DAPK1: variants seen among roughly 807,000 people sequenced by gnomAD.
The protein encoded by DAPK1 is death associated protein kinase 1, also known as death-associated protein kinase 1.
A neutral mutation model predicts 144.9 loss-of-function variants in DAPK1; 56 were observed. The ratio of observed to expected loss-of-function variants is 0.39; its 90% CI spans 0.31 to 0.48. The LOEUF (loss-of-function observed/expected upper bound fraction) is 0.48. DAPK1 is among the 20% of genes least tolerant of loss of function. The pLI, the probability that DAPK1 is intolerant of heterozygous loss-of-function variation, is 0.95. For missense variants in DAPK1, 1,454 were observed against 1,875.4 expected (o/e 0.78, Z 4.15); for synonymous variants, 690 against 749.0 (o/e 0.92, Z 1.29).
At chr9:87,565,048 A>G (rs1827065585) in intron 2 of DAPK1, among the ~76,000 whole-genome samples, 1 of 152,182 alleles carries the variant, frequency 6.6e-6, no homozygotes, top group Admixed American at 6.5e-5. Context: ...CCCTATCCAC[A>G]TTTGCTGAAT....
At chr9:87,678,292 T>C (rs1285640534) in intron 19 of DAPK1, among the ~76,000 whole-genome samples, 1 of 152,200 alleles carries the variant, frequency 6.6e-6, no homozygotes, top group African/African-American at 2.4e-5. Flanking sequence ...CTAACTGTAA[T>C]ATAACACAGA....
chr9:87,603,029 G>A (rs1026777239), intron 2 of DAPK1, among the ~76,000 whole-genome samples: 12 of 151,886 alleles, frequency 7.9e-5, no homozygotes, highest in African/African-American at 2.9e-4. Context: ...GAGACAAGTT[G>A]CTTTGGCCAT....
At chr9:87,611,345 G>T (rs1221437516) in intron 3 of DAPK1, among the ~76,000 whole-genome samples, 7 of 152,248 alleles carry the variant, frequency 4.6e-5, no homozygotes, top group Admixed American at 4.6e-4. Context: ...GAGACGGGGT[G>T]TCCCTATGTT....
intron 19 of DAPK1, among the ~76,000 whole-genome samples, chr9:87,673,224 C>G (rs1477423372): frequency 6.6e-6 from 1 of 152,194 alleles, no homozygotes; most frequent in African/African-American, 2.4e-5. Context: ...CTACCACACT[C>G]TGCAAGAACC....
intron 18 of DAPK1, among the ~76,000 whole-genome samples, chr9:87,662,101 C>CT (rs1247692688): frequency 1.3e-5 from 2 of 152,148 alleles, no homozygotes; most frequent in Non-Finnish European, 2.9e-5. Context: ...AGTGTATGTT[C>CT]TTATCAGTTT....
intron 2 of DAPK1, among the ~76,000 whole-genome samples, chr9:87,508,854 T>C (rs1454124560): frequency 6.6e-6 from 1 of 152,172 alleles, no homozygotes; most frequent in African/African-American, 2.4e-5. Context: ...TCAGAGAGGA[T>C]AGGTACACCT....
intron 3 of DAPK1, among the ~76,000 whole-genome samples, chr9:87,628,440 G>A (rs563666304): frequency 1.1e-4 from 16 of 152,252 alleles, no homozygotes; most frequent in Middle Eastern, 3.4e-3. Flanking sequence ...ACTCCGGTTC[G>A]ACAAATGCAG....
rs749779105 is a variant in DAPK1, at chr9:87,650,238, C to T, written c.1626+120C>T. The stretch of plus-strand genomic sequence containing the variant: ...ACTTGAATGCAGCAAACTGTAATTA[C>T]CCCGTCTCTTCTCTGTTCCAAAGAT... On this transcript the variant is annotated intron_variant, in intron 16 of 25. Transcript: ENST00000408954. The T allele has an allele frequency of 1.0e-3, 909 of 905,616 alleles. 2 individuals carry two copies. The highest frequency in any genetic ancestry group is 1.4e-3 in the Non-Finnish European group (812 of 578,894). The allele number at this position is 905,616 out of a possible 1,614,324, so 56.1% of individuals were successfully genotyped here. A position where few individuals can be genotyped will look rare whatever the true frequency, so the allele number is the denominator to read the frequency against.
At chr9:87,695,387 C>A (rs1422075979) in intron 21 of DAPK1, among the ~76,000 whole-genome samples, 1 of 152,188 alleles carries the variant, frequency 6.6e-6, no homozygotes, top group Non-Finnish European at 1.5e-5. Context: ...ATGGAAGTGG[C>A]CCTGGCCAGG....
chr9:87,617,789 CTCA>C (rs1259351518), intron 3 of DAPK1, among the ~76,000 whole-genome samples: 2 of 152,148 alleles, frequency 1.3e-5, no homozygotes, highest in Non-Finnish European at 2.9e-5. Flanking sequence ...CCCCAGGTAC[CTCA>C]ACTTCACGTG....
At chr9:87,497,243 C>A (rs1326367906), upstream of DAPK1, 1 of 151,912 alleles carries the variant, frequency 6.6e-6, no homozygotes, top group Non-Finnish European at 1.5e-5. Flanking sequence ...GATTGCAAAC[C>A]TTCTTGCCTT....
intron 2 of DAPK1, among the ~76,000 whole-genome samples, chr9:87,556,862 G>C (rs1826738924): frequency 6.6e-6 from 1 of 152,220 alleles, no homozygotes; most frequent in Non-Finnish European, 1.5e-5. Flanking sequence ...CTGCTGGGCA[G>C]AGCCTTTGCA....
At chr9:87,641,367 G>A (rs2119137445) in intron 9 of DAPK1, among the ~76,000 whole-genome samples, 1 of 152,270 alleles carries the variant, frequency 6.6e-6, no homozygotes, top group Non-Finnish European at 1.5e-5. Flanking sequence ...AGGGCAGAAA[G>A]GGCTAAGGGT....
At chr9:87,625,797 A>T (rs902286113) in intron 3 of DAPK1, among the ~76,000 whole-genome samples, 2 of 152,230 alleles carry the variant, frequency 1.3e-5, no homozygotes, top group African/African-American at 4.8e-5. Flanking sequence ...GTTTGACCGC[A>T]TTCAAATTTA....
upstream of DAPK1, chr9:87,497,771 A>T (rs961333508): frequency 3.0e-6 from 1 of 338,344 alleles, no homozygotes; most frequent in Non-Finnish European, 5.3e-6. Context: ...GGCAGCTCGG[A>T]GGTGGGTGGG....
At chr9:87,704,382 G>GC (rs1825560889) in intron 25 of DAPK1, among the ~76,000 whole-genome samples, 2 of 152,252 alleles carry the variant, frequency 1.3e-5, no homozygotes, top group Non-Finnish European at 1.5e-5. Context: ...ATCCCTGCTT[G>GC]CCCTTGAGAG....
At chr9:87,546,452 T>C (rs1256188701) in intron 2 of DAPK1, among the ~76,000 whole-genome samples, 1 of 152,114 alleles carries the variant, frequency 6.6e-6, no homozygotes, top group Non-Finnish European at 1.5e-5. Context: ...GGCAGAATTG[T>C]GGCCCATAGG....
intron 2 of DAPK1, among the ~76,000 whole-genome samples, chr9:87,505,304 A>T (rs1172893405): frequency 6.6e-6 from 1 of 152,184 alleles, no homozygotes; most frequent in Admixed American, 6.5e-5. Context: ...AAAGGAAGCC[A>T]CTCTTCTGAC....
chr9:87,602,280 C>T (rs1828551623), intron 2 of DAPK1, among the ~76,000 whole-genome samples: 1 of 152,176 alleles, frequency 6.6e-6, no homozygotes, highest in Non-Finnish European at 1.5e-5. Flanking sequence ...CACACAGAGC[C>T]TTCCTACCCA....
Sources: allele counts gnomAD v4.1 joint callset (sites outside exome capture counted in the v4.1 genomes callset), GRCh38; gene constraint gnomAD v4.1.1; transcripts MANE v1.5; gene names NCBI Gene and HGNC (gene_info 2026-07-23, HGNC 2026-07-21).